The following MKLN1 variants were observed in gnomAD, a reference collection of about 807,000 sequenced individuals.
The protein encoded by MKLN1 is muskelin.
A neutral mutation model predicts 99.0 loss-of-function variants in MKLN1; 18 were observed. The ratio of observed to expected loss-of-function variants is 0.18; its 90% CI spans 0.13 to 0.27. The LOEUF (loss-of-function observed/expected upper bound fraction) is 0.27, where lower values mean the gene tolerates loss of function less well. MKLN1 is among the 10% of genes least tolerant of loss of function. MKLN1 has a pLI of 1.00. For missense variants in MKLN1, 621 were observed against 875.9 expected (o/e 0.71, Z 3.67); for synonymous variants, 288 against 293.2 (o/e 0.98, Z 0.18).
intron 7 of MKLN1, among the ~76,000 whole-genome samples, chr7:131,413,264 C>T (rs1307775160): frequency 3.9e-5 from 6 of 152,060 alleles, no homozygotes; most frequent in African/African-American, 7.2e-5. Flanking sequence ...GATGATTAGC[C>T]GCTGAATACA....
rs1797065186 is a variant in MKLN1 at position 131,221,825 on chromosome 7, G to A, written c.-179+18851G>A. ...TATGAGTCACCATGCCCGGCCTCTTGCCACTTTTTAAATGTAACACTTAAA... is the reference window on the plus strand; with the variant it reads ...TATGAGTCACCATGCCCGGCCTCTTACCACTTTTTAAATGTAACACTTAAA... On this transcript the variant is annotated intron_variant, in intron 3 of 7. Transcript: ENST00000416992. Among the ~76,000 whole-genome samples the A allele has an allele frequency of 2.0e-5, 3 of 148,606 alleles. No individual in the cohort carries two copies. The South Asian group carries it at 6.4e-4, about 32-fold the overall frequency.
At chr7:131,116,034 G>A (rs908168705) in intron 1 of MKLN1, among the ~76,000 whole-genome samples, 38 of 152,256 alleles carry the variant, frequency 2.5e-4, no homozygotes, top group Admixed American at 1.0e-3. Flanking sequence ...GGCCGGGCAC[G>A]GTGGCTCACG....
intron 3 of MKLN1, chr7:131,242,667 G>A (rs534750723): frequency 4.3e-5 from 26 of 597,930 alleles, no homozygotes; most frequent in East Asian, 6.8e-5. Flanking sequence ...AGCCATCATC[G>A]TGAAGAACAT....
chr7:131,127,863 A>T (rs1173903915), intron 1 of MKLN1, among the ~76,000 whole-genome samples: 3 of 152,196 alleles, frequency 2.0e-5, no homozygotes, highest in Non-Finnish European at 4.4e-5. Context: ...TCAGGAAAAG[A>T]CATTGTGAAC....
intron 1 of MKLN1, among the ~76,000 whole-genome samples, chr7:131,141,684 T>A (rs1347944814): frequency 1.3e-5 from 2 of 152,226 alleles, no homozygotes; most frequent in Non-Finnish European, 2.9e-5. Context: ...TTTGGTTAAC[T>A]CCTTCACACC....
rs1311004121 is a variant in MKLN1, at chr7:131,319,610, G to C, written c.-178-55814G>C. Among the ~76,000 whole-genome samples, 5 of 152,162 alleles carry C rather than the reference G, an allele frequency of 3.3e-5. No homozygotes were observed. The East Asian group carries it at 9.6e-4, about 29-fold the overall frequency. On this transcript the variant is annotated intron_variant, in intron 3 of 7. Coordinates refer to the MKLN1 transcript ENST00000416992. ...TCTGGCCCAGGGCACTCAGGCAAGAGAAAGAAATAAAGGGTATTCAAATAG... is the reference window on the plus strand; with the variant it reads ...TCTGGCCCAGGGCACTCAGGCAAGACAAAGAAATAAAGGGTATTCAAATAG...
intron 3 of MKLN1, among the ~76,000 whole-genome samples, chr7:131,255,417 C>T (rs571827024): frequency 3.9e-5 from 6 of 152,236 alleles, no homozygotes; most frequent in Admixed American, 3.9e-4. Flanking sequence ...ACACAAAAAA[C>T]CAAACATACA....
intron 15 of MKLN1, among the ~76,000 whole-genome samples, chr7:131,468,880 G>T (rs1315622742): frequency 6.6e-6 from 1 of 152,188 alleles, no homozygotes; most frequent in African/African-American, 2.4e-5. Context: ...ATTTCAGGTT[G>T]TAAAGGATAA....
intron 1 of MKLN1, among the ~76,000 whole-genome samples, chr7:131,122,156 A>G (rs1021014172): frequency 2.6e-5 from 4 of 152,258 alleles, no homozygotes; most frequent in African/African-American, 9.6e-5. Context: ...ATAAATGATC[A>G]GTAAACTTTT....
intron 2 of MKLN1, among the ~76,000 whole-genome samples, chr7:131,184,817 T>A (rs1431581506): frequency 1.3e-5 from 2 of 152,194 alleles, no homozygotes; most frequent in Non-Finnish European, 2.9e-5. Context: ...TGAGCCACCA[T>A]GCCCGGCCAG....
chr7:131,469,810 A>G (rs1796767720), intron 15 of MKLN1, among the ~76,000 whole-genome samples: 1 of 152,062 alleles, frequency 6.6e-6, no homozygotes. Flanking sequence ...ATATATAGAT[A>G]TAGATACTTA....
chr7:131,369,703 TTAATA>T (rs1800287092), intron 1 of MKLN1, among the ~76,000 whole-genome samples: 1 of 152,252 alleles, frequency 6.6e-6, no homozygotes, highest in African/African-American at 2.4e-5. Flanking sequence ...TTTGAAAGTT[TTAATA>T]TAATCAAATA....
At chr7:131,160,296 T>C (rs1484682480) in intron 2 of MKLN1, among the ~76,000 whole-genome samples, 1 of 152,078 alleles carries the variant, frequency 6.6e-6, no homozygotes, top group Non-Finnish European at 1.5e-5. Context: ...ATATACCACA[T>C]GCTGTTTATC....
chr7:131,244,467 CA>C (rs1053944441), intron 3 of MKLN1, among the ~76,000 whole-genome samples: 69 of 152,272 alleles, frequency 4.5e-4, no homozygotes, highest in African/African-American at 1.6e-3. Flanking sequence ...TCGTCTGAGT[CA>C]GCCCGTGACT....
intron 3 of MKLN1, among the ~76,000 whole-genome samples, chr7:131,223,742 A>G (rs1022596410): frequency 1.3e-5 from 2 of 152,122 alleles, no homozygotes; most frequent in African/African-American, 2.4e-5. Flanking sequence ...CCTCAGCTCT[A>G]TACACTGCAT....
intron 2 of MKLN1, among the ~76,000 whole-genome samples, chr7:131,383,692 T>C (rs1218297272): frequency 6.6e-6 from 1 of 152,210 alleles, no homozygotes; most frequent in Non-Finnish European, 1.5e-5. Context: ...TATCACCACT[T>C]ACCCTGTTAT....
At chr7:131,190,535 T>G (rs1028551572) in intron 2 of MKLN1, among the ~76,000 whole-genome samples, 2 of 152,196 alleles carry the variant, frequency 1.3e-5, no homozygotes, top group Admixed American at 1.3e-4. Context: ...ATTCTTTAGC[T>G]CTAAACTATG....
intron 2 of MKLN1, among the ~76,000 whole-genome samples, chr7:131,188,694 T>A (rs536449902): frequency 6.6e-6 from 1 of 152,162 alleles, no homozygotes; most frequent in South Asian, 2.1e-4. Flanking sequence ...CTCCAGCTCT[T>A]GATGGGAGGA....
chr7:131,387,286 G>GAGCT, intron 3 of MKLN1, 24 bp downstream of exon 3: 1 of 1,589,004 alleles, frequency 6.3e-7, no homozygotes, highest in South Asian at 1.2e-5. Flanking sequence ...ATGTTGAAGA[G>GAGCT]AGCTGTCTTC....
Sources: allele counts gnomAD v4.1 joint callset (sites outside exome capture counted in the v4.1 genomes callset), GRCh38; gene constraint gnomAD v4.1.1; transcripts MANE v1.5; gene names NCBI Gene and HGNC (gene_info 2026-07-23, HGNC 2026-07-21).